The following UGT2A2 variants were observed in gnomAD, a reference collection of about 807,000 sequenced individuals.
UGT2A2 encodes the protein UDP glucuronosyltransferase family 2 member A2.
Under a neutral mutation model 50.7 loss-of-function variants are expected in UGT2A2, and 60 were observed. That is an observed-to-expected ratio of 1.18 (90% CI 0.96 to 1.47). The LOEUF (loss-of-function observed/expected upper bound fraction) is 1.47, where lower values mean the gene tolerates loss of function less well. Ranked by LOEUF, UGT2A2 falls within the 40% of genes most tolerant of loss-of-function variation. The pLI is 0.00. For missense variants in UGT2A2, 762 were observed against 634.0 expected, an observed-to-expected ratio of 1.20 and a Z score of -2.17; for synonymous variants, 242 against 214.6, an observed-to-expected ratio of 1.13 and a Z score of -1.11.
chr4:69,634,328 A>G (rs773078269), intron 1 of UGT2A2, among the ~76,000 whole-genome samples: 1 of 152,010 alleles, frequency 6.6e-6, no homozygotes, highest in Non-Finnish European at 1.5e-5. Flanking sequence ...TACATATAAG[A>G]AGGAATTGGA....
intron 1 of UGT2A2, among the ~76,000 whole-genome samples, chr4:69,608,470 A>T (rs1719818124): frequency 6.6e-6 from 1 of 152,054 alleles, no homozygotes. Flanking sequence ...ACCTAATGTT[A>T]AATGATGAGT....
chr4:69,621,246 G>T (rs1720737308), intron 1 of UGT2A2, among the ~76,000 whole-genome samples: 1 of 151,846 alleles, frequency 6.6e-6, no homozygotes, highest in African/African-American at 2.4e-5. Context: ...TGCAAAGTAT[G>T]CATCTGACAA....
At position 69,594,683 on chromosome 4, in the gene UGT2A2, G is replaced by T. The variant is rs750500169; in HGVS notation, c.1125C>A (p.Thr375=). The T allele has an allele frequency of 8.7e-6, 14 of 1,613,418 alleles. No individual in the cohort carries two copies. The highest frequency in any genetic ancestry group is 1.2e-5 in the Non-Finnish European group (14 of 1,179,742). Residue 375 remains threonine (T), a synonymous_variant, in exon 5 of 6, where the codon ACC becomes ACA. Transcript: ENST00000604629. ...TTCCACCATGAGTGATAAAAGCTTT[G>T]GTTTTGGGATGTCCTAATTTGAGGA... The part of the protein sequence containing the change: ...PQNDLLGHPK[T]KAFITHGGTN...
chr4:69,627,018 A>G (rs1721099293), intron 1 of UGT2A2, among the ~76,000 whole-genome samples: 2 of 151,870 alleles, frequency 1.3e-5, no homozygotes, highest in Admixed American at 6.6e-5. Flanking sequence ...ATTTTATTTT[A>G]TTAGATAATG....
Position 69,591,902 on chromosome 4 carries a change from G to T in UGT2A2, c.1332-2251C>A, listed in dbSNP as rs529432188. Among the ~76,000 whole-genome samples the T allele has an allele frequency of 4.0e-4, 61 of 152,250 alleles. 2 individuals carry two copies. The Middle Eastern group carries it at 0.017, about 42-fold the overall frequency. The stretch of plus-strand genomic sequence containing the variant: ...TCAAAAAAAGATCATACTGAGCCTT[G>T]CTGAAGCTCCTAACCCACCACTTAG... On this transcript the variant is annotated intron_variant, in intron 5 of 5. Transcript: ENST00000604629.
At chr4:69,594,384 A>T in intron 5 of UGT2A2, 93 bp downstream of exon 5, 2 of 1,480,986 alleles carry the variant, frequency 1.4e-6, no homozygotes, top group South Asian at 2.7e-5. Context: ...GTTATTGGAA[A>T]ATAATTACAA....
chr4:69,620,341 G>A (rs529087662), intron 1 of UGT2A2, among the ~76,000 whole-genome samples: 49 of 136,098 alleles, frequency 3.6e-4, no homozygotes, highest in African/African-American at 1.3e-3. Context: ...CACCAACAGC[G>A]AAGCAGAGAA....
At chr4:69,633,650 T>C (rs1721509956) in intron 1 of UGT2A2, among the ~76,000 whole-genome samples, 2 of 152,174 alleles carry the variant, frequency 1.3e-5, no homozygotes. Flanking sequence ...CAACAACTTG[T>C]ACGAATTTCA....
intron 1 of UGT2A2, among the ~76,000 whole-genome samples, chr4:69,624,572 A>G (rs1051532870): frequency 4.6e-5 from 7 of 151,080 alleles, no homozygotes; most frequent in African/African-American, 1.7e-4. Flanking sequence ...TATTAGTTGA[A>G]CACATTTTAT....
intron 5 of UGT2A2, among the ~76,000 whole-genome samples, chr4:69,593,237 T>G (rs960063930): frequency 6.6e-6 from 1 of 152,060 alleles, no homozygotes; most frequent in Non-Finnish European, 1.5e-5. Flanking sequence ...AAATCCTAAA[T>G]ATTTTGGAAT....
rs1721921203 is a variant in UGT2A2, at chr4:69,639,380, G to C, written c.261C>G (p.Tyr87Ter). Residue 87 changes from tyrosine to a stop codon, truncating the protein, a stop_gained, in exon 1 of 6, where the codon TAC becomes TAG. Transcript: ENST00000604629. LOFTEE classifies it high-confidence loss of function. ...PVNFEVIPVSYKKSNIDSLIE... is the reference protein window; with the variant it reads ...PVNFEVIPVS ...TTAAGGAATCTATATTGCTCTTCTT[G>C]TAGGAAACAGGTATCACTTCAAAAT... is the stretch of plus-strand genomic sequence containing the variant. 6.2e-7 allele frequency: 1 copy of C among 1,613,604 alleles called. No individual in the cohort carries two copies. The highest frequency in any genetic ancestry group is 1.7e-5 in the Admixed American group (1 of 59,976).
At chr4:69,598,649 C>T (rs1719073735) in intron 2 of UGT2A2, among the ~76,000 whole-genome samples, 1 of 152,078 alleles carries the variant, frequency 6.6e-6, no homozygotes, top group East Asian at 1.9e-4. Flanking sequence ...TACCAAAACT[C>T]CTTTTTGTTC....
At chr4:69,618,209 G>GTATGTT (rs767771388) in intron 1 of UGT2A2, among the ~76,000 whole-genome samples, 14,949 of 109,334 alleles carry the variant, frequency 0.14, 937 homozygotes, top group African/African-American at 0.21. Flanking sequence ...GTGTGTGTGT[G>GTATGTT]TGTGTGTATG....
intron 1 of UGT2A2, among the ~76,000 whole-genome samples, chr4:69,610,890 G>T (rs1442185795): frequency 1.4e-4 from 21 of 152,098 alleles, no homozygotes; most frequent in Admixed American, 1.2e-3. Context: ...CACACCACTG[G>T]TTAGGAAGTT....
chr4:69,590,696 G>A (rs1347857643), intron 5 of UGT2A2, among the ~76,000 whole-genome samples: 1 of 151,628 alleles, frequency 6.6e-6, no homozygotes, highest in Non-Finnish European at 1.5e-5. Context: ...AAGAATATAA[G>A]TAAGTAATTT....
At chr4:69,602,876 G>C (rs1177620667) in intron 1 of UGT2A2, among the ~76,000 whole-genome samples, 2 of 134,780 alleles carry the variant, frequency 1.5e-5, no homozygotes, top group Admixed American at 7.4e-5. Context: ...GACCAGTGTG[G>C]CCAAGATGGT....
chr4:69,598,753 C>A (rs1719080737), intron 2 of UGT2A2, among the ~76,000 whole-genome samples: 2 of 151,950 alleles, frequency 1.3e-5, no homozygotes, highest in Admixed American at 1.3e-4. Flanking sequence ...GATGGCACAA[C>A]TGTCTAATAA....
rs187159615 is a variant in UGT2A2 at position 69,589,280 on chromosome 4, T to C, written c.*92A>G. On this transcript the variant is annotated 3_prime_UTR_variant, in exon 6 of 6. Coordinates refer to ENST00000604629, the MANE Select transcript of UGT2A2 (RefSeq NM_001105677.2). ...TGGAAACAGGATGGGAGACGTGTTT[T>C]TGTTAAACTCCTTTTGTCTGGAATT... The C allele has an allele frequency of 2.3e-4, 316 of 1,395,886 alleles. No individual in the cohort carries two copies. In the East Asian group the frequency reaches 6.4e-3, roughly 28 times the overall value. The allele number at this position is 1,395,886 out of a possible 1,614,324, so 86.5% of individuals were successfully genotyped here.
At chr4:69,629,655 C>A (rs951902690) in intron 1 of UGT2A2, among the ~76,000 whole-genome samples, 7 of 152,038 alleles carry the variant, frequency 4.6e-5, no homozygotes, top group African/African-American at 1.7e-4. Context: ...CACCACATAT[C>A]ATTTCTAGGA....
Sources: allele counts gnomAD v4.1 joint callset (sites outside exome capture counted in the v4.1 genomes callset), GRCh38; gene constraint gnomAD v4.1.1; transcripts MANE v1.5; gene names NCBI Gene and HGNC (gene_info 2026-07-23, HGNC 2026-07-21).